Variants in PCYT1B observed in about 807,000 individuals in gnomAD.
PCYT1B encodes the protein choline-phosphate cytidylyltransferase B.
Under a neutral mutation model 26.4 loss-of-function variants are expected in PCYT1B, and 10 were observed. The ratio of observed to expected loss-of-function variants is 0.38; its 90% CI spans 0.23 to 0.64. The LOEUF is 0.64. Among genes scored for constraint, PCYT1B ranks in the 30% least tolerant of loss-of-function variants. PCYT1B has a pLI of 0.56. For missense variants in PCYT1B, 161 were observed against 292.7 expected, an observed-to-expected ratio of 0.55 and a Z score of 3.28; for synonymous variants, 131 against 108.4, an observed-to-expected ratio of 1.21 and a Z score of -1.29.
In PCYT1B at chrX:24,575,110, A is replaced by G. The variant is rs1231516768; in HGVS notation, c.897+20T>C. 5.3e-6 allele frequency: 6 copies of G among 1,138,899 alleles called. No individual in the cohort carries two copies. Among genetic ancestry groups the G allele is most frequent in the Non-Finnish European group, 7.0e-6 (6 of 853,681 alleles). 93.9% of individuals were successfully genotyped at this position (1,138,899 alleles called of 1,213,427 possible). On this transcript the variant is annotated intron_variant, in intron 7 of 7. Coordinates refer to ENST00000379144, the MANE Select transcript of PCYT1B (RefSeq NM_004845.5). ...CTGAAAACACTCATCATTGTGGGGT[A>G]AAGTGAAATCATTACATACCCATGC... is the stretch of plus-strand genomic sequence containing the variant.
chrX:24,615,672 C>T (rs931910948), intron 2 of PCYT1B, among the ~76,000 whole-genome samples: 1 of 111,253 alleles, frequency 9.0e-6, no homozygotes, highest in Non-Finnish European at 1.9e-5. Flanking sequence ...TCATGTTGGC[C>T]AAGGTGGTCT....
At chrX:24,567,225 A>G (rs1372677182) in intron 7 of PCYT1B, among the ~76,000 whole-genome samples, 1 of 112,393 alleles carries the variant, frequency 8.9e-6, no homozygotes, top group Admixed American at 9.4e-5. Context: ...TATAGTTTGA[A>G]TCAAGCTCAT....
intron 2 of PCYT1B, among the ~76,000 whole-genome samples, chrX:24,608,522 G>A (rs1266561123): frequency 8.9e-6 from 1 of 111,859 alleles, no homozygotes; most frequent in Admixed American, 9.5e-5. Context: ...CGCCTCAAAG[G>A]GAGGAGAGTC....
intron 1 of PCYT1B, among the ~76,000 whole-genome samples, chrX:24,665,444 C>T (rs1427892806): frequency 9.0e-6 from 1 of 110,593 alleles, no homozygotes; most frequent in Non-Finnish European, 1.9e-5. Flanking sequence ...GCGCGTGCCA[C>T]CACGCCCAGC....
At chrX:24,593,450 CTTTTCTTTTCTTTTCTTTTCTTTTCT>C (rs1924655352) in intron 3 of PCYT1B, among the ~76,000 whole-genome samples, 2 of 6,688 alleles carry the variant, frequency 3.0e-4, no homozygotes, top group African/African-American at 1.5e-3. Flanking sequence ...TCTTTCTTTT[CTTTTCTTTTCTTTTCTTTTCTTTTCT>C]TTTCTTTTCT....
At chrX:24,602,375 G>A (rs1157628314) in intron 3 of PCYT1B, among the ~76,000 whole-genome samples, 1 of 111,784 alleles carries the variant, frequency 8.9e-6, no homozygotes, top group Non-Finnish European at 1.9e-5. Flanking sequence ...GGATTTTTAG[G>A]GCAGTAAAAA....
At chrX:24,630,359 G>C (rs180848053) in intron 1 of PCYT1B, among the ~76,000 whole-genome samples, 1 of 111,389 alleles carries the variant, frequency 9.0e-6, no homozygotes, top group Non-Finnish European at 1.9e-5. Flanking sequence ...GCAGTGGCGC[G>C]ATCTCAGCTC....
chrX:24,633,501 C>T (rs1926174558), intron 1 of PCYT1B, among the ~76,000 whole-genome samples: 1 of 110,222 alleles, frequency 9.1e-6, no homozygotes, highest in South Asian at 3.9e-4. Flanking sequence ...TGGTGAACAC[C>T]GTCTCTACTA....
In PCYT1B at chrX:24,574,986, T is replaced by C. The variant is rs578240505; in HGVS notation, c.897+144A>G. ...GCAGAAACTCAGTAAGGAAGTGACA[T>C]GGACTTGAAGTCATTCAGGCTGATG... On this transcript the variant is annotated intron_variant, in intron 7 of 7. Coordinates refer to ENST00000379144, the MANE Select transcript of PCYT1B (RefSeq NM_004845.5). 94 of 405,260 alleles carry C rather than the reference T, an allele frequency of 2.3e-4. No individual in the cohort carries two copies. The South Asian group carries it at 6.9e-3, about 30-fold the overall frequency. The allele number at this position is 405,260 out of a possible 1,213,427, so 33.4% of individuals were successfully genotyped here.
chrX:24,667,027 TG>T (rs1465667371), intron 1 of PCYT1B, among the ~76,000 whole-genome samples: 1 of 109,111 alleles, frequency 9.2e-6, no homozygotes, highest in Non-Finnish European at 1.9e-5. Flanking sequence ...AGGGAAGGCA[TG>T]GTCACCAAAA....
chrX:24,654,108 T>C (rs1406816062), intron 1 of PCYT1B, among the ~76,000 whole-genome samples: 1 of 84,602 alleles, frequency 1.2e-5, no homozygotes, highest in African/African-American at 4.3e-5. Flanking sequence ...TTCTTTTTTT[T>C]TTTTTTTTTT....
intron 1 of PCYT1B, among the ~76,000 whole-genome samples, chrX:24,630,945 C>T (rs1046826591): frequency 1.8e-5 from 2 of 111,157 alleles, no homozygotes; most frequent in African/African-American, 6.5e-5. Context: ...GTTTTTGAGA[C>T]GGAGTCTTGC....
chrX:24,631,703 C>T (rs1012114094), intron 1 of PCYT1B, among the ~76,000 whole-genome samples: 3 of 112,100 alleles, frequency 2.7e-5, no homozygotes, highest in African/African-American at 3.2e-5. Context: ...CAGTGGCTCA[C>T]GCCTGTAATT....
chrX:24,615,542 G>T (rs1403391401), intron 2 of PCYT1B, among the ~76,000 whole-genome samples: 1 of 108,004 alleles, frequency 9.3e-6, no homozygotes. Context: ...TCAGCTCACT[G>T]CAACCTCTGC....
chrX:24,603,394 C>A (rs781328491), intron 3 of PCYT1B, among the ~76,000 whole-genome samples: 6 of 112,235 alleles, frequency 5.3e-5, no homozygotes, highest in Non-Finnish European at 1.1e-4. Context: ...CACATCCCTG[C>A]AAGATTTTTG....
At chrX:24,668,001 A>T (rs1210019471) in intron 1 of PCYT1B, among the ~76,000 whole-genome samples, 9 of 112,424 alleles carry the variant, frequency 8.0e-5, no homozygotes, top group African/African-American at 2.3e-4. Context: ...AAGACATGGC[A>T]TTAATGTTTG....
chrX:24,630,255 G>C (rs1351376674), intron 1 of PCYT1B, among the ~76,000 whole-genome samples: 3 of 111,797 alleles, frequency 2.7e-5, no homozygotes, highest in African/African-American at 9.7e-5. Flanking sequence ...TGCAAGATCT[G>C]GGGTGAGGAG....
At chrX:24,574,543 G>A (rs778229090) in intron 7 of PCYT1B, among the ~76,000 whole-genome samples, 2 of 111,477 alleles carry the variant, frequency 1.8e-5, no homozygotes, top group African/African-American at 6.5e-5. Context: ...CAACACTTGC[G>A]TGTCATGAAA....
In PCYT1B at chrX:24,562,182, G is replaced by A; in HGVS notation, c.*111C>T. 1 of 1,201,360 alleles carries A rather than the reference G, an allele frequency of 8.3e-7. No individual in the cohort carries two copies. The highest frequency in any genetic ancestry group is 1.8e-5 in the South Asian group (1 of 55,134). On this transcript the variant is annotated 3_prime_UTR_variant, in exon 8 of 8. Coordinates refer to ENST00000379144, the MANE Select transcript of PCYT1B (RefSeq NM_004845.5). ...CCTTAGCAGAGTTCAGGGTCTCTCT[G>A]CTGAGCTGCAGCTCCTGTGACTATT...
Sources: allele counts gnomAD v4.1 joint callset (sites outside exome capture counted in the v4.1 genomes callset), GRCh38; gene constraint gnomAD v4.1.1; transcripts MANE v1.5; gene names NCBI Gene and HGNC (gene_info 2026-07-23, HGNC 2026-07-21).